Variants in ELAVL1 observed in about 807,000 individuals in gnomAD.
The protein encoded by ELAVL1 is ELAV-like protein 1.
In ELAVL1, 1 loss-of-function variant was observed where a neutral mutation model predicts 28.4. The ratio of observed to expected loss-of-function variants is 0.04; its 90% confidence interval spans 0.01 to 0.17. The LOEUF is 0.17. ELAVL1 is among the 10% of genes least tolerant of loss of function. The pLI, the probability that ELAVL1 is intolerant of heterozygous loss-of-function variation, is 1.00. For missense variants in ELAVL1, 157 were observed against 447.2 expected, an observed-to-expected ratio of 0.35 and a Z score of 5.85; for synonymous variants, 174 against 183.5, an observed-to-expected ratio of 0.95 and a Z score of 0.42.
rs545860251 is a variant in ELAVL1 at position 7,982,750 on chromosome 19, C to T, written c.173-1564G>A. ...CCCCAGGACCTCATCCAGGATCCCA[C>T]GTGACATTTAGCAGTCACATCCCCT... On this transcript the variant is annotated intron_variant, in intron 2 of 5. Coordinates refer to ENST00000407627, the MANE Select transcript of ELAVL1 (RefSeq NM_001419.3). This position sits in a 1 kb window ranked among gnomAD's most constrained non-coding sequence, Gnocchi z 4.3. Among the ~76,000 whole-genome samples the T allele has an allele frequency of 1.3e-5, 2 of 152,208 alleles. No individual in the cohort carries two copies. The highest frequency in any genetic ancestry group is 2.9e-5 in the Non-Finnish European group (2 of 68,046).
At position 7,958,723 on chromosome 19, in the gene ELAVL1, C is replaced by T. The variant is rs1289711521; in HGVS notation, c.*4760G>A. ...GAACTGTAAGCCACGCCCCAAACCG[C>T]ATCACTCCGTACTTCAAAAATACGA... On this transcript the variant is annotated 3_prime_UTR_variant, in exon 6 of 6. Transcript: ENST00000407627. 1.3e-5 allele frequency: 2 copies of T among 152,408 alleles called. No homozygotes were observed. The highest frequency in any genetic ancestry group is 2.9e-5 in the Non-Finnish European group (2 of 68,034). 9.4% of individuals were successfully genotyped at this position (152,408 alleles called of 1,614,324 possible). A position where few individuals can be genotyped will look rare whatever the true frequency, so the allele number is the denominator to read the frequency against.
intron 1 of ELAVL1, among the ~76,000 whole-genome samples, chr19:8,004,986 T>C (rs924072597): frequency 4.8e-4 from 73 of 152,116 alleles, no homozygotes; most frequent in African/African-American, 1.3e-3. Flanking sequence ...ATTTTTTTTT[T>C]CCCCCAGGAC....
chr19:7,997,661 C>CT (rs1174776812), intron 1 of ELAVL1, among the ~76,000 whole-genome samples: 1 of 151,992 alleles, frequency 6.6e-6, no homozygotes. Flanking sequence ...AATAAATTGT[C>CT]TGAGTGTGGC....
At chr19:8,003,691 C>CAA (rs35438998) in intron 1 of ELAVL1, among the ~76,000 whole-genome samples, 1,436 of 80,570 alleles carry the variant, frequency 0.018, 38 homozygotes, top group African/African-American at 0.058. Flanking sequence ...GACTCCGTCT[C>CAA]AAAAAAAAAA....
intron 1 of ELAVL1, among the ~76,000 whole-genome samples, chr19:8,000,514 C>T (rs559482713): frequency 2.0e-5 from 3 of 152,328 alleles, no homozygotes; most frequent in Admixed American, 2.0e-4. Flanking sequence ...TCAAATCTAT[C>T]TTCAGGCTCA....
chr19:7,972,850 T>C (rs1157511453), intron 4 of ELAVL1: 2 of 127,164 alleles, frequency 1.6e-5, no homozygotes, highest in Non-Finnish European at 3.2e-5. Flanking sequence ...CCCGCTCTGC[T>C]GCCCAGGCTG....
Position 7,979,711 on chromosome 19 carries a change from G to A in ELAVL1, c.276+1372C>T, listed in dbSNP as rs764688500. Among the ~76,000 whole-genome samples, 1 of 152,226 alleles carries A rather than the reference G, an allele frequency of 6.6e-6. No homozygotes were observed. Among genetic ancestry groups the A allele is most frequent in the Admixed American group, 6.5e-5 (1 of 15,288 alleles). On this transcript the variant is annotated intron_variant, in intron 3 of 5. Coordinates refer to ENST00000407627, the MANE Select transcript of ELAVL1 (RefSeq NM_001419.3). This position sits in a 1 kb window ranked among gnomAD's most constrained non-coding sequence, Gnocchi z 5.4. ...TCTGAGGACCTGCACTGGACACGAG[G>A]AGGCAGGAGTGGCGCGCCTGCCCTC...
Position 7,960,344 on chromosome 19 carries a change from G to T in ELAVL1, c.*3139C>A, listed in dbSNP as rs527953121. The stretch of plus-strand genomic sequence containing the variant: ...GAAAAGGCTCACCTTCCAGGAGAAG[G>T]TGGCGGAACCCACCCAGCACCACCT... On this transcript the variant is annotated 3_prime_UTR_variant, in exon 6 of 6. Coordinates refer to ENST00000407627, the MANE Select transcript of ELAVL1 (RefSeq NM_001419.3). 1.1e-4 allele frequency: 17 copies of T among 152,336 alleles called. No individual in the cohort carries two copies. The highest frequency in any genetic ancestry group is 4.1e-4 in the African/African-American group (17 of 41,576). 9.4% of individuals were successfully genotyped at this position (152,336 alleles called of 1,614,324 possible). A position where few individuals can be genotyped will look rare whatever the true frequency, so the allele number is the denominator to read the frequency against.
chr19:7,988,205 G>T (rs1489992529), intron 2 of ELAVL1, among the ~76,000 whole-genome samples: 5 of 152,164 alleles, frequency 3.3e-5, no homozygotes, highest in Non-Finnish European at 1.5e-5. Context: ...GGCTAAGGTG[G>T]GGACAACTGG....
chr19:7,967,417 G>A, intron 5 of ELAVL1, 148 bp downstream of exon 5: 2 of 865,160 alleles, frequency 2.3e-6, no homozygotes, highest in Non-Finnish European at 3.5e-6. Context: ...TCTGATGGAG[G>A]TTGTGGTGTG....
intron 1 of ELAVL1, among the ~76,000 whole-genome samples, chr19:7,995,972 C>G (rs1163836187): frequency 2.0e-5 from 3 of 151,392 alleles, no homozygotes; most frequent in Non-Finnish European, 4.4e-5. Context: ...AAGTGCAATG[C>G]CATAATCATA....
intron 1 of ELAVL1, among the ~76,000 whole-genome samples, chr19:8,002,473 G>A (rs1054441084): frequency 2.0e-5 from 3 of 152,200 alleles, no homozygotes; most frequent in Admixed American, 6.5e-5. Context: ...AGGAGGGAGC[G>A]AGCCTCACTT....
chr19:7,980,815 G>A (rs1368333762), intron 3 of ELAVL1, among the ~76,000 whole-genome samples: 1 of 152,184 alleles, frequency 6.6e-6, no homozygotes, highest in African/African-American at 2.4e-5. Context: ...GAGCTGTCCA[G>A]GGATGGGAAC....
Position 7,981,069 on chromosome 19 carries a change from T to A in ELAVL1, c.276+14A>T, listed in dbSNP as rs776733581. 1.9e-6 allele frequency: 3 copies of A among 1,613,278 alleles called. No homozygotes were observed. The highest frequency in any genetic ancestry group is 2.5e-6 in the Non-Finnish European group (3 of 1,179,400). On this transcript the variant is annotated intron_variant, in intron 3 of 5. Transcript: ENST00000407627. The surrounding 1 kb of genome is among the most constrained non-coding windows in gnomAD (Gnocchi z 4.2). ...AGGGCAGGAATGGATGCGGTGGTGA[T>A]CAGATCCCTTTACCTTAATGGTTTT...
In ELAVL1 at chr19:7,963,419, CAAG is replaced by C. The variant is rs1282398104; in HGVS notation, c.*61_*63del. ...TGGCGCAAAATGAGTTGTACACTAA[CAAG>C]AAAAGTTTCAACTCCTTCACTCTTA... On this transcript the variant is annotated 3_prime_UTR_variant, in exon 6 of 6. Coordinates refer to ENST00000407627, the MANE Select transcript of ELAVL1 (RefSeq NM_001419.3). This position sits in a 1 kb window ranked among gnomAD's most constrained non-coding sequence, Gnocchi z 4.5. The C allele has an allele frequency of 1.3e-6, 2 of 1,533,220 alleles. No individual in the cohort carries two copies. The highest frequency in any genetic ancestry group is 2.0e-5 in the Admixed American group (1 of 49,302). The allele number at this position is 1,533,220 out of a possible 1,614,324, so 95.0% of individuals were successfully genotyped here. A position where few individuals can be genotyped will look rare whatever the true frequency, so the allele number is the denominator to read the frequency against.
chr19:7,982,933 C>T lies in ELAVL1; in HGVS notation c.173-1747G>A, dbSNP rs928585488. Among the ~76,000 whole-genome samples the T allele has an allele frequency of 6.6e-6, 1 of 152,208 alleles. No homozygotes were observed. The highest frequency in any genetic ancestry group is 1.5e-5 in the Non-Finnish European group (1 of 68,044). On this transcript the variant is annotated intron_variant, in intron 2 of 5. Coordinates refer to ENST00000407627, the MANE Select transcript of ELAVL1 (RefSeq NM_001419.3). This position sits in a 1 kb window ranked among gnomAD's most constrained non-coding sequence, Gnocchi z 4.3. ...CGATGTCAAGGGCACAGGCCGTCAA[C>T]GTGACTTATGGCTGCTGGTGCTGAC...
In ELAVL1 at chr19:7,973,855, T is replaced by C; in HGVS notation, c.300A>G (p.Ser100=). 2 of 1,614,134 alleles carry C rather than the reference T, an allele frequency of 1.2e-6. No homozygotes were observed. The highest frequency in any genetic ancestry group is 2.7e-5 in the African/African-American group (2 of 75,040). Residue 100 remains serine (S), a synonymous_variant, in exon 4 of 6, where the codon TCA becomes TCG. Coordinates refer to ENST00000407627, the MANE Select transcript of ELAVL1 (RefSeq NM_001419.3). ...TIKVSYARPS[S]EVIKDANLYI... ...ACAAGTTGGCGTCTTTGATCACCTC[T>C]GAGCTCGGGCGAGCATACGACACCT...
rs914966452 is a variant in ELAVL1 at position 7,962,647 on chromosome 19, C to T, written c.*836G>A. ...AAGCTATGTTAAATGCTCTGGAAAA[C>T]GGGAGAAATTATCGTGAACAACAGT... On this transcript the variant is annotated 3_prime_UTR_variant, in exon 6 of 6. Coordinates refer to ENST00000407627, the MANE Select transcript of ELAVL1 (RefSeq NM_001419.3). 3.9e-5 allele frequency: 6 copies of T among 152,544 alleles called. No homozygotes were observed. The highest frequency in any genetic ancestry group is 1.9e-4 in the East Asian group (1 of 5,202). 9.4% of individuals were successfully genotyped at this position (152,544 alleles called of 1,614,324 possible).
At position 7,981,020 on chromosome 19, in the gene ELAVL1, G is replaced by C; in HGVS notation, c.276+63C>G. 1.3e-6 allele frequency: 2 copies of C among 1,512,598 alleles called. No individual in the cohort carries two copies. The highest frequency in any genetic ancestry group is 1.8e-6 in the Non-Finnish European group (2 of 1,089,404). The allele number at this position is 1,512,598 out of a possible 1,614,324, so 93.7% of individuals were successfully genotyped here. On this transcript the variant is annotated intron_variant, in intron 3 of 5. Transcript: ENST00000407627. The surrounding 1 kb of genome is among the most constrained non-coding windows in gnomAD (Gnocchi z 4.2). The stretch of plus-strand genomic sequence containing the variant: ...TTGGAGAGTGACTGTGAGGCTGGGC[G>C]GGGCTCAGCACAGACCTGTGCCCAG...
Sources: gnomAD v4.1 joint callset for allele counts (sites outside exome capture counted in the v4.1 genomes callset) on GRCh38, gnomAD v4.1.1 for gene constraint, Gnocchi (gnomAD v3.1) non-coding constraint, MANE v1.5 for transcripts, NCBI Gene and HGNC (gene_info 2026-07-23, HGNC 2026-07-21) for gene names.